The following SCGB2B2 variants were observed in gnomAD, a reference collection of about 807,000 sequenced individuals.
SCGB2B2 encodes the protein secretoglobin family 2B member 2.
SCGB2B2 carries 11 observed loss-of-function variants against 7.6 expected under a neutral mutation model. The ratio of observed to expected loss-of-function variants is 1.45; its 90% confidence interval spans 0.91 to 2.40. SCGB2B2 has a LOEUF of 2.40. Among genes scored for constraint, SCGB2B2 ranks in the 30% most tolerant of loss-of-function variants. SCGB2B2 has a pLI of 0.00. For synonymous variants in SCGB2B2, 50 were observed against 48.6 expected (o/e 1.03, Z -0.12); for missense variants, 104 against 115.4 (o/e 0.90, Z 0.45).
At chr19:34,662,504 AACACACACACAC>A (rs10634972) in intron 1 of SCGB2B2, among the ~76,000 whole-genome samples, 1 of 149,352 alleles carries the variant, frequency 6.7e-6, no homozygotes, top group Non-Finnish European at 1.5e-5. Flanking sequence ...TTTTTTAAAC[AACACACACACAC>A]ACACACACAC....
At chr19:34,644,394 T>C (rs1354842056) in intron 1 of SCGB2B2, among the ~76,000 whole-genome samples, 4 of 147,436 alleles carry the variant, frequency 2.7e-5, no homozygotes, top group African/African-American at 1.0e-4. Flanking sequence ...AAAATATACA[T>C]AGCATGAAGT....
intron 1 of SCGB2B2, among the ~76,000 whole-genome samples, chr19:34,630,989 T>C (rs2066513584): frequency 6.6e-6 from 1 of 151,684 alleles, no homozygotes; most frequent in Non-Finnish European, 1.5e-5. Flanking sequence ...CTGGAAACCA[T>C]CATTCTCAGC....
chr19:34,588,403 C>T (rs954040860), downstream of SCGB2B2, among the ~76,000 whole-genome samples: 9 of 152,100 alleles, frequency 5.9e-5, no homozygotes, highest in East Asian at 1.9e-4. Context: ...GTGATGTGGC[C>T]GTCACCCAGG....
At chr19:34,633,915 G>A (rs375171710) in intron 1 of SCGB2B2, among the ~76,000 whole-genome samples, 1 of 152,162 alleles carries the variant, frequency 6.6e-6, no homozygotes. Context: ...CTGCTTCAAT[G>A]GGAGCAAAGA....
intron 1 of SCGB2B2, among the ~76,000 whole-genome samples, chr19:34,614,283 T>C (rs1177699244): frequency 6.6e-6 from 1 of 152,036 alleles, no homozygotes; most frequent in African/African-American, 2.4e-5. Context: ...TTTTATAACT[T>C]TTTTTTTCAC....
intron 1 of SCGB2B2, among the ~76,000 whole-genome samples, chr19:34,671,628 CTTTTA>C (rs1248845028): frequency 6.6e-6 from 1 of 152,026 alleles, no homozygotes; most frequent in Non-Finnish European, 1.5e-5. Flanking sequence ...TGTATCTCTC[CTTTTA>C]TTTAGATCTT....
chr19:34,586,248 ATT>A (rs1341140030), downstream of SCGB2B2, among the ~76,000 whole-genome samples: 3 of 152,168 alleles, frequency 2.0e-5, no homozygotes, highest in East Asian at 1.9e-4. Flanking sequence ...AAATTAAATT[ATT>A]TTGTTTTAAT....
intron 1 of SCGB2B2, among the ~76,000 whole-genome samples, chr19:34,630,975 G>A (rs919206452): frequency 1.3e-5 from 2 of 151,924 alleles, no homozygotes; most frequent in Admixed American, 1.3e-4. Flanking sequence ...GGACATGGAT[G>A]AAGCTGGAAA....
At chr19:34,636,832 A>C (rs1326163747) in intron 1 of SCGB2B2, among the ~76,000 whole-genome samples, 1 of 152,096 alleles carries the variant, frequency 6.6e-6, no homozygotes. Flanking sequence ...CACTTACCAG[A>C]GCCAGTCCCC....
chr19:34,674,473 C>T (rs1032018937), intron 1 of SCGB2B2, among the ~76,000 whole-genome samples: 27 of 152,280 alleles, frequency 1.8e-4, no homozygotes, highest in African/African-American at 6.5e-4. Context: ...TTATCAGATA[C>T]ATATTATGAA....
chr19:34,639,188 A>G (rs2066771837), intron 1 of SCGB2B2, among the ~76,000 whole-genome samples: 1 of 152,220 alleles, frequency 6.6e-6, no homozygotes, highest in Non-Finnish European at 1.5e-5. Flanking sequence ...AAAAAACTTG[A>G]GTAATCCTTG....
chr19:34,601,095 T>C (rs1163219703), intron 1 of SCGB2B2, among the ~76,000 whole-genome samples: 2 of 152,222 alleles, frequency 1.3e-5, no homozygotes, highest in African/African-American at 4.8e-5. Context: ...GTCCAATACC[T>C]TTTTAATTAT....
chr19:34,599,532 C>G (rs910006995), intron 1 of SCGB2B2, among the ~76,000 whole-genome samples: 2 of 152,178 alleles, frequency 1.3e-5, no homozygotes, highest in African/African-American at 4.8e-5. Flanking sequence ...TTCCCCTTAT[C>G]AAACCATCAG....
At chr19:34,641,772 C>A (rs187472933) in intron 1 of SCGB2B2, among the ~76,000 whole-genome samples, 2 of 152,064 alleles carry the variant, frequency 1.3e-5, no homozygotes, top group Admixed American at 1.3e-4. Context: ...GAAACAAGGA[C>A]CAGTTAAGAG....
At chr19:34,617,260 G>A (rs868435848) in intron 1 of SCGB2B2, among the ~76,000 whole-genome samples, 22 of 151,094 alleles carry the variant, frequency 1.5e-4, no homozygotes, top group African/African-American at 4.9e-4. Flanking sequence ...CATTGAATCT[G>A]TAAATTACCT....
In SCGB2B2 at chr19:34,647,682, C is replaced by G. The variant is rs557996595; in HGVS notation, c.-2032+27948G>C. 3.1e-4 allele frequency among the ~76,000 whole-genome samples: 47 copies of G among 152,312 alleles called. 1 individual carries two copies. In the East Asian group the frequency reaches 8.9e-3, roughly 29 times the overall value. On this transcript the variant is annotated intron_variant, in intron 1 of 3. Coordinates refer to ENST00000601241, the MANE Select transcript of SCGB2B2 (RefSeq NM_001025591.4). ...CACAGGTCAGGCCTTTTCCCAGAGC[C>G]GGACACCCCATGAAGAACAAGGCAG...
chr19:34,659,276 G>A lies in SCGB2B2; in HGVS notation c.-2032+16354C>T, dbSNP rs570619544. Among the ~76,000 whole-genome samples the A allele has an allele frequency of 7.9e-5, 12 of 152,304 alleles. 1 individual carries two copies. The East Asian group carries it at 2.3e-3, about 29-fold the overall frequency. Reference sequence around the variant, plus strand: ...ACCACTCCTATTCAACACAGTGTTGGAAGTTCTGGCCAGGGCAATAAGGCA... The same window carrying A: ...ACCACTCCTATTCAACACAGTGTTGAAAGTTCTGGCCAGGGCAATAAGGCA... On this transcript the variant is annotated intron_variant, in intron 1 of 3. Transcript: ENST00000601241.
intron 1 of SCGB2B2, among the ~76,000 whole-genome samples, chr19:34,636,639 G>A (rs1391753883): frequency 1.3e-5 from 2 of 152,254 alleles, no homozygotes; most frequent in African/African-American, 4.8e-5. Flanking sequence ...CTGGAAATCA[G>A]AGAGGTGGGA....
intron 1 of SCGB2B2, among the ~76,000 whole-genome samples, chr19:34,622,058 T>C (rs2066256387): frequency 6.6e-6 from 1 of 152,190 alleles, no homozygotes; most frequent in African/African-American, 2.4e-5. Context: ...ATGTGGGTTA[T>C]ATACAGTTAA....
Sources: allele counts gnomAD v4.1 joint callset (sites outside exome capture counted in the v4.1 genomes callset), GRCh38; gene constraint gnomAD v4.1.1; transcripts MANE v1.5; gene names NCBI Gene and HGNC (gene_info 2026-07-23, HGNC 2026-07-21).